Variants in ROR1 observed in about 807,000 individuals in gnomAD.
ROR1 encodes the protein inactive tyrosine-protein kinase transmembrane receptor ROR1.
ROR1 carries 19 observed loss-of-function variants against 78.8 expected under a neutral mutation model. That is an observed-to-expected ratio of 0.24 (90% CI 0.17 to 0.35). The LOEUF (loss-of-function observed/expected upper bound fraction) is 0.35, where lower values mean the gene tolerates loss of function less well. ROR1 is among the 10% of genes least tolerant of loss of function. ROR1 has a pLI of 1.00. For synonymous variants in ROR1, 386 were observed against 433.6 expected (o/e 0.89, Z 1.36); for missense variants, 917 against 1,177.8 (o/e 0.78, Z 3.24).
At chr1:64,110,564 A>G (rs1648051634) in intron 4 of ROR1, 2 of 152,078 alleles carry the variant, frequency 1.3e-5, no homozygotes, top group Admixed American at 1.3e-4. Context: ...AAACAGGATA[A>G]CAAAGGAGGG....
intron 8 of ROR1, among the ~76,000 whole-genome samples, 158 bp from the exon 9 acceptor site, chr1:64,177,270 G>A (rs1429414387): frequency 6.6e-6 from 1 of 152,216 alleles, no homozygotes; most frequent in Non-Finnish European, 1.5e-5. Flanking sequence ...CACCTCCCCT[G>A]AGTTGCAGCC....
At chr1:64,018,286 C>T (rs966247457) in intron 2 of ROR1, among the ~76,000 whole-genome samples, 1 of 152,200 alleles carries the variant, frequency 6.6e-6, no homozygotes, top group African/African-American at 2.4e-5. Flanking sequence ...GCTCCTCCCT[C>T]AGTTTCCTGC....
chr1:64,178,687 T>A lies in ROR1; in HGVS notation c.2646T>A (p.Ile882=), dbSNP rs1428863627. The A allele has an allele frequency of 6.2e-7, 1 of 1,614,086 alleles. No homozygotes were observed. Among genetic ancestry groups the A allele is most frequent in the African/African-American group, 1.3e-5 (1 of 74,996 alleles). ...PSSGSNQEAN[I]PLLPHMSIPN... The stretch of plus-strand genomic sequence containing the variant: ...CAGGATCCAATCAGGAAGCAAATAT[T>A]CCTTTACTACCACACATGTCAATTC... Residue 882 remains isoleucine, a synonymous_variant, in exon 9 of 9, where the codon ATT becomes ATA. Transcript: ENST00000371079. This position sits in a 1 kb window ranked among gnomAD's most constrained non-coding sequence, Gnocchi z 4.3.
intron 1 of ROR1, among the ~76,000 whole-genome samples, chr1:63,797,507 C>T (rs139101148): frequency 1.3e-5 from 2 of 152,332 alleles, no homozygotes; most frequent in East Asian, 3.9e-4. Context: ...AGGCCACAAA[C>T]TCCATTTACA....
chr1:63,973,026 T>C (rs1376914190), intron 1 of ROR1, among the ~76,000 whole-genome samples: 1 of 152,230 alleles, frequency 6.6e-6, no homozygotes, highest in Admixed American at 6.5e-5. Flanking sequence ...GAGCCAGTGC[T>C]CAGGAAGGGC....
chr1:64,159,308 T>C, intron 8 of ROR1, 116 bp downstream of exon 8: 1 of 801,630 alleles, frequency 1.2e-6, no homozygotes, highest in Non-Finnish European at 2.0e-6. Context: ...TTATAAGTGC[T>C]AAGGTTCATT....
intron 1 of ROR1, among the ~76,000 whole-genome samples, chr1:63,946,196 T>C (rs566299013): frequency 6.6e-6 from 1 of 152,190 alleles, no homozygotes; most frequent in Non-Finnish European, 1.5e-5. Flanking sequence ...TAGTTCTCTC[T>C]CAGGACACAC....
chr1:64,015,083 A>T (rs1646510008), intron 2 of ROR1, among the ~76,000 whole-genome samples: 1 of 151,954 alleles, frequency 6.6e-6, no homozygotes, highest in Non-Finnish European at 1.5e-5. Flanking sequence ...TCCTACATGG[A>T]TGGTGGCAGG....
intron 2 of ROR1, among the ~76,000 whole-genome samples, chr1:64,035,953 G>C (rs756725435): frequency 6.6e-6 from 1 of 152,136 alleles, no homozygotes; most frequent in African/African-American, 2.4e-5. Flanking sequence ...TAATCAAAGA[G>C]TCTTAACAAA....
At chr1:64,087,894 T>C (rs1647166406) in intron 4 of ROR1, among the ~76,000 whole-genome samples, 1 of 152,226 alleles carries the variant, frequency 6.6e-6, no homozygotes, top group Non-Finnish European at 1.5e-5. Context: ...GCTGGGTTTC[T>C]CTATGTAGAT....
rs918937014 is a variant in ROR1 at position 64,142,995 on chromosome 1, CAAA to C, written c.1174+350_1174+352del. On this transcript the variant is annotated intron_variant, in intron 7 of 8. Transcript: ENST00000371079. ...TCTGCGTCCAAGTGGACCTTTTCAG[CAAA>C]AAAAGGAATATTGGAAGCAGGAAGA... The C allele has an allele frequency of 1.4e-5, 15 of 1,094,232 alleles. No homozygotes were observed. In the South Asian group the frequency reaches 3.9e-4, roughly 28 times the overall value. The allele number at this position is 1,094,232 out of a possible 1,614,324, so 67.8% of individuals were successfully genotyped here. A position where few individuals can be genotyped will look rare whatever the true frequency, so the allele number is the denominator to read the frequency against.
chr1:63,971,098 C>T (rs899046508), intron 1 of ROR1, among the ~76,000 whole-genome samples: 1 of 152,196 alleles, frequency 6.6e-6, no homozygotes. Flanking sequence ...TCTGTGATCA[C>T]ATCCTTATTT....
chr1:64,153,321 G>T (rs1457271092), intron 7 of ROR1, among the ~76,000 whole-genome samples: 1 of 152,162 alleles, frequency 6.6e-6, no homozygotes, highest in Non-Finnish European at 1.5e-5. Context: ...AAATGGTGCA[G>T]CTGCTATGGA....
chr1:64,032,597 C>G (rs1044813523), intron 2 of ROR1, among the ~76,000 whole-genome samples: 2 of 152,148 alleles, frequency 1.3e-5, no homozygotes, highest in Non-Finnish European at 2.9e-5. Flanking sequence ...GACTCCATCC[C>G]CTGGTCCTCA....
At chr1:63,850,129 C>T (rs778670371) in intron 1 of ROR1, among the ~76,000 whole-genome samples, 3 of 152,204 alleles carry the variant, frequency 2.0e-5, no homozygotes, top group Non-Finnish European at 4.4e-5. Context: ...TAAATGGGAA[C>T]TTACTGTACC....
At chr1:64,082,842 G>A (rs1647115204) in intron 4 of ROR1, among the ~76,000 whole-genome samples, 1 of 152,196 alleles carries the variant, frequency 6.6e-6, no homozygotes, top group Non-Finnish European at 1.5e-5. Flanking sequence ...TGGTCTGAAT[G>A]CTCTCCCTGC....
chr1:64,032,232 T>C (rs1646666854), intron 2 of ROR1, among the ~76,000 whole-genome samples: 1 of 149,594 alleles, frequency 6.7e-6, no homozygotes, highest in Admixed American at 6.8e-5. Flanking sequence ...TCCCAGCTAC[T>C]CAGGAGGCTG....
intron 2 of ROR1, among the ~76,000 whole-genome samples, chr1:64,036,447 C>G (rs972852062): frequency 2.0e-5 from 3 of 152,212 alleles, no homozygotes; most frequent in Non-Finnish European, 4.4e-5. Context: ...CCCACGATCA[C>G]AGCGAGTTCA....
intron 1 of ROR1, among the ~76,000 whole-genome samples, chr1:63,852,697 A>G (rs1645121916): frequency 6.6e-6 from 1 of 152,222 alleles, no homozygotes; most frequent in Non-Finnish European, 1.5e-5. Flanking sequence ...AAAAAATGAA[A>G]CAGATCATTT....
Sources: allele counts gnomAD v4.1 joint callset (sites outside exome capture counted in the v4.1 genomes callset), GRCh38; gene constraint gnomAD v4.1.1; non-coding constraint Gnocchi (gnomAD v3.1); transcripts MANE v1.5; gene names NCBI Gene and HGNC (gene_info 2026-07-23, HGNC 2026-07-21).